Variants in RASA1 observed in about 807,000 individuals in gnomAD.
The protein encoded by RASA1 is ras GTPase-activating protein 1.
In RASA1, 25 loss-of-function variants were observed where a neutral mutation model predicts 132.2. The observed-to-expected ratio is 0.19, with a 90% CI of 0.14 to 0.26. The LOEUF (loss-of-function observed/expected upper bound fraction) is 0.26, where lower values mean the gene tolerates loss of function less well. RASA1 is among the 10% of genes least tolerant of loss of function. The pLI, the probability that RASA1 is intolerant of heterozygous loss-of-function variation, is 1.00. For synonymous variants in RASA1, 477 were observed against 449.9 expected (o/e 1.06, Z -0.76); for missense variants, 964 against 1,299.2 (o/e 0.74, Z 3.97).
chr5:87,352,921 GTA>G (rs1158875304), intron 8 of RASA1, among the ~76,000 whole-genome samples: 1 of 151,778 alleles, frequency 6.6e-6, no homozygotes, highest in Non-Finnish European at 1.5e-5. Context: ...CACTTGATGG[GTA>G]TGGAAAATCA....
intron 1 of RASA1, among the ~76,000 whole-genome samples, chr5:87,327,283 T>A (rs1457908391): frequency 6.6e-6 from 1 of 152,218 alleles, no homozygotes; most frequent in East Asian, 1.9e-4. Flanking sequence ...AGAGCTGGGA[T>A]TCAAAGACAG....
intron 1 of RASA1, among the ~76,000 whole-genome samples, chr5:87,287,673 TA>T: frequency 6.8e-6 from 1 of 146,052 alleles, no homozygotes; most frequent in Non-Finnish European, 1.5e-5. Flanking sequence ...ATATACACCA[TA>T]TATGTACACG....
chr5:87,356,759 A>G (rs1293254643), intron 9 of RASA1, among the ~76,000 whole-genome samples: 1 of 152,244 alleles, frequency 6.6e-6, no homozygotes, highest in Non-Finnish European at 1.5e-5. Flanking sequence ...AGACTACAGT[A>G]TAGTTGTAAA....
At chr5:87,340,906 C>A (rs1301183934) in intron 5 of RASA1, among the ~76,000 whole-genome samples, 1 of 151,742 alleles carries the variant, frequency 6.6e-6, no homozygotes, top group Non-Finnish European at 1.5e-5. Context: ...GACTTGAGTC[C>A]TGTGGTAAAC....
intron 1 of RASA1, among the ~76,000 whole-genome samples, chr5:87,329,881 C>T (rs1157275141): frequency 6.6e-6 from 1 of 152,046 alleles, no homozygotes; most frequent in East Asian, 1.9e-4. Flanking sequence ...AATTATAGTT[C>T]CTTAGGGTTC....
intron 1 of RASA1, among the ~76,000 whole-genome samples, chr5:87,320,844 G>C (rs888034040): frequency 6.6e-6 from 1 of 152,218 alleles, no homozygotes; most frequent in East Asian, 1.9e-4. Context: ...AATGATGACT[G>C]CATTGTGAAA....
At chr5:87,269,321 C>T (rs1753720239) in intron 1 of RASA1, 1 of 1,534,070 alleles carries the variant, frequency 6.5e-7, no homozygotes. Flanking sequence ...ACTGCGGCTA[C>T]CAAGGCAGTC....
intron 11 of RASA1, among the ~76,000 whole-genome samples, chr5:87,368,437 T>C (rs997932664): frequency 2.6e-5 from 4 of 152,212 alleles, no homozygotes; most frequent in Non-Finnish European, 4.4e-5. Flanking sequence ...TTTTTCATCT[T>C]AACTTTTAGC....
chr5:87,391,264 GAC>G lies in RASA1; in HGVS notation c.*383_*384del, dbSNP rs1250295881. ...TAGAGAAAGAACTATGAAATCAACT[GAC>G]AAGAAACACATTCTTATTGACAATT... On this transcript the variant is annotated 3_prime_UTR_variant, in exon 25 of 25. Coordinates refer to ENST00000274376, the MANE Select transcript of RASA1 (RefSeq NM_002890.3). The G allele has an allele frequency of 2.6e-6, 1 of 385,056 alleles. No homozygotes were observed. The highest frequency in any genetic ancestry group is 4.8e-6 in the Non-Finnish European group (1 of 207,564). 23.9% of individuals were successfully genotyped at this position (385,056 alleles called of 1,614,324 possible).
chr5:87,286,504 T>C (rs1580199613), intron 1 of RASA1, among the ~76,000 whole-genome samples: 1 of 151,756 alleles, frequency 6.6e-6, no homozygotes, highest in East Asian at 1.9e-4. Context: ...AAAAAAAAAC[T>C]GCAAAGGTTT....
chr5:87,268,498 C>G lies in RASA1; in HGVS notation c.47C>G (p.Ala16Gly). Reference protein sequence around the residue: ...AGSEEGGPVTAGAGGGGAAAG... With the variant: ...AGSEEGGPVTGGAGGGGAAAG... ...AGTGAGGAGGGCGGCCCGGTAACAGCCGGAGCTGGAGGAGGCGGCGCGGCA... is the reference window on the plus strand; with the variant it reads ...AGTGAGGAGGGCGGCCCGGTAACAGGCGGAGCTGGAGGAGGCGGCGCGGCA... Residue 16 changes from alanine to glycine, a missense_variant, in exon 1 of 25, where the codon GCC becomes GGC. Ala to Gly is a moderately conservative substitution (Grantham distance 60). Coordinates refer to ENST00000274376, the MANE Select transcript of RASA1 (RefSeq NM_002890.3). 6.4e-7 allele frequency: 1 copy of G among 1,565,728 alleles called. No homozygotes were observed. The highest frequency in any genetic ancestry group is 1.9e-5 in the Admixed American group (1 of 51,800).
In RASA1 at chr5:87,314,722, C is replaced by T. The variant is rs181145694; in HGVS notation, c.540-16626C>T. 1.6e-3 allele frequency among the ~76,000 whole-genome samples: 235 copies of T among 150,928 alleles called. 1 individual carries two copies. The highest frequency in any genetic ancestry group is 5.3e-3 in the African/African-American group (218 of 41,016). On this transcript the variant is annotated intron_variant, in intron 1 of 24. Coordinates refer to ENST00000274376, the MANE Select transcript of RASA1 (RefSeq NM_002890.3). ...AGAGGTAAAGAGAAAGGCTGTGGGACGAATGATGATGGTCATTTAAAAAAA... is the reference window on the plus strand; with the variant it reads ...AGAGGTAAAGAGAAAGGCTGTGGGATGAATGATGATGGTCATTTAAAAAAA...
In RASA1 at chr5:87,268,814, T is replaced by C. The variant is rs565225550; in HGVS notation, c.363T>C (p.Thr121=). The change falls in exon 1 of 25, where the codon ACT becomes ACC. Residue 121 remains threonine (T), a synonymous_variant. Coordinates refer to ENST00000274376, the MANE Select transcript of RASA1 (RefSeq NM_002890.3). ...SGDMALTKLP[T]SLLAETLGPG... ...ACATGGCTCTCACCAAACTGCCCAC[T>C]TCGTTGCTTGCTGAGACTCTCGGGC... is the stretch of plus-strand genomic sequence containing the variant. 1.2e-5 allele frequency: 19 copies of C among 1,614,100 alleles called. No individual in the cohort carries two copies. In the East Asian group the frequency reaches 2.5e-4, roughly 21 times the overall value.
chr5:87,310,391 T>A (rs755134395), intron 1 of RASA1, among the ~76,000 whole-genome samples: 2 of 152,138 alleles, frequency 1.3e-5, no homozygotes, highest in Non-Finnish European at 1.5e-5. Flanking sequence ...AATATGTCAA[T>A]AGAATATGAG....
At chr5:87,293,869 A>G (rs1157782831) in intron 1 of RASA1, among the ~76,000 whole-genome samples, 1 of 152,030 alleles carries the variant, frequency 6.6e-6, no homozygotes, top group Non-Finnish European at 1.5e-5. Context: ...TATTTACAAT[A>G]TTAGTTTATT....
intron 15 of RASA1, 60 bp from the exon 16 acceptor site, chr5:87,376,333 T>C: frequency 1.3e-6 from 2 of 1,584,180 alleles, no homozygotes. Flanking sequence ...GAAAATTTAC[T>C]TGCATGACTA....
chr5:87,333,120 G>A (rs1235838835), intron 3 of RASA1, 147 bp from the exon 4 acceptor site: 1 of 1,217,498 alleles, frequency 8.2e-7, no homozygotes, highest in African/African-American at 1.5e-5. Context: ...CTAGGCACTG[G>A]GTATTTATAG....
chr5:87,370,732 C>A (rs1045600954), intron 12 of RASA1, among the ~76,000 whole-genome samples: 1 of 152,072 alleles, frequency 6.6e-6, no homozygotes, highest in African/African-American at 2.4e-5. Flanking sequence ...ACAAATACAG[C>A]TAAATTTCTG....
chr5:87,328,383 A>G (rs1757385715), intron 1 of RASA1, among the ~76,000 whole-genome samples: 1 of 152,146 alleles, frequency 6.6e-6, no homozygotes, highest in African/African-American at 2.4e-5. Flanking sequence ...GAGATATAAT[A>G]AGGCTTTGAC....
Sources: allele counts gnomAD v4.1 joint callset (sites outside exome capture counted in the v4.1 genomes callset), GRCh38; gene constraint gnomAD v4.1.1; transcripts MANE v1.5; gene names NCBI Gene and HGNC (gene_info 2026-07-23, HGNC 2026-07-21).